Variants in CLSTN1 observed in about 807,000 individuals in gnomAD.
CLSTN1 encodes the protein calsyntenin-1.
A neutral mutation model predicts 108.3 loss-of-function variants in CLSTN1; 28 were observed. The observed-to-expected ratio is 0.26, with a 90% CI of 0.19 to 0.35. The LOEUF is 0.35. CLSTN1 is among the 10% of genes least tolerant of loss of function. The pLI, the probability that CLSTN1 is intolerant of heterozygous loss-of-function variation, is 1.00. For missense variants in CLSTN1, 1,157 were observed against 1,302.6 expected, an observed-to-expected ratio of 0.89 and a Z score of 1.72; for synonymous variants, 524 against 534.9, an observed-to-expected ratio of 0.98 and a Z score of 0.28.
chr1:9,814,975 T>C (rs938066513), intron 1 of CLSTN1, among the ~76,000 whole-genome samples: 5 of 152,214 alleles, frequency 3.3e-5, no homozygotes, highest in Admixed American at 3.3e-4. Flanking sequence ...TCCAGTCCCT[T>C]TCATTAAGTT....
chr1:9,741,326 C>G (rs1296663296), intron 9 of CLSTN1, 70 bp from the exon 10 acceptor site: 1 of 1,449,506 alleles, frequency 6.9e-7, no homozygotes, highest in Non-Finnish European at 9.5e-7. Flanking sequence ...CCATGGAAAC[C>G]AAGTCACCCA....
intron 1 of CLSTN1, among the ~76,000 whole-genome samples, chr1:9,786,588 A>G (rs1653497410): frequency 7.3e-6 from 1 of 137,346 alleles, no homozygotes; most frequent in Admixed American, 8.0e-5. Context: ...GGTTGCAGTG[A>G]GCTGAGATTG....
chr1:9,753,719 GACCTCAGGTGAAAATC>G (rs1180668135), intron 4 of CLSTN1, among the ~76,000 whole-genome samples: 1 of 152,088 alleles, frequency 6.6e-6, no homozygotes, highest in Non-Finnish European at 1.5e-5. Flanking sequence ...ATGAACTCCT[GACCTCAGGTGAAAATC>G]ACCTCAGGTG....
chr1:9,734,198 C>T lies in CLSTN1; in HGVS notation c.2111-56G>A, dbSNP rs192546677. 10,243 of 1,568,432 alleles carry T rather than the reference C, an allele frequency of 6.5e-3. 54 individuals are homozygous for T. Among genetic ancestry groups the T allele is most frequent in the South Asian group, 9.8e-3 (857 of 87,838 alleles). Reference sequence around the variant, plus strand: ...GTAGGGGCAGTGGGGCCCAGCGTGGCGGGGCACACTGGATGCCCTGCCGGC... The same window carrying T: ...GTAGGGGCAGTGGGGCCCAGCGTGGTGGGGCACACTGGATGCCCTGCCGGC... On this transcript the variant is annotated intron_variant, in intron 14 of 18. Coordinates refer to ENST00000377298, the MANE Select transcript of CLSTN1 (RefSeq NM_001009566.3). This position sits in a 1 kb window ranked among gnomAD's most constrained non-coding sequence, Gnocchi z 4.8.
chr1:9,809,952 T>C (rs563998190), intron 1 of CLSTN1, among the ~76,000 whole-genome samples: 3 of 143,830 alleles, frequency 2.1e-5, no homozygotes, highest in Non-Finnish European at 3.0e-5. Flanking sequence ...GGCAGGAGAA[T>C]AGCTTGAACC....
chr1:9,755,812 A>G (rs1651779748), intron 3 of CLSTN1, among the ~76,000 whole-genome samples: 1 of 150,424 alleles, frequency 6.6e-6, no homozygotes, highest in South Asian at 2.1e-4. Flanking sequence ...AAAAAAAATC[A>G]AAGGAAACAA....
In CLSTN1 at chr1:9,773,411, A is replaced by AG; in HGVS notation, c.92-18dup. 6.3e-7 allele frequency: 1 copy of AG among 1,578,464 alleles called. No homozygotes were observed. Among genetic ancestry groups the AG allele is most frequent in the South Asian group, 1.2e-5 (1 of 86,794 alleles). ...GCTTGTTAACTGTGTTTAAAACAAGAGAAAAAAATAGACAAGGTTAGAAAT... is the reference window on the plus strand; with the variant it reads ...GCTTGTTAACTGTGTTTAAAACAAGAGGAAAAAAATAGACAAGGTTAGAAAT... On this transcript the variant is annotated splice_polypyrimidine_tract_variant and intron_variant, in intron 1 of 18. Coordinates refer to ENST00000377298, the MANE Select transcript of CLSTN1 (RefSeq NM_001009566.3).
intron 1 of CLSTN1, among the ~76,000 whole-genome samples, chr1:9,810,096 G>A (rs1654672048): frequency 2.2e-4 from 1 of 4,630 alleles, no homozygotes; most frequent in Non-Finnish European, 5.5e-4. Flanking sequence ...AAGGAAGGAG[G>A]GAGGGAGGGA....
At chr1:9,808,544 A>G (rs990249747) in intron 1 of CLSTN1, among the ~76,000 whole-genome samples, 2 of 152,196 alleles carry the variant, frequency 1.3e-5, no homozygotes, top group African/African-American at 4.8e-5. Flanking sequence ...CTTAGGTACC[A>G]GGAAACAATG....
At chr1:9,743,230 G>C (rs952428637) in intron 9 of CLSTN1, among the ~76,000 whole-genome samples, 1 of 152,122 alleles carries the variant, frequency 6.6e-6, no homozygotes, top group Non-Finnish European at 1.5e-5. Context: ...TAGCACGTGG[G>C]GTTTTTCACA....
intron 2 of CLSTN1, among the ~76,000 whole-genome samples, chr1:9,764,821 G>A (rs752768631): frequency 2.6e-5 from 4 of 151,826 alleles, no homozygotes; most frequent in South Asian, 2.1e-4. Flanking sequence ...ATTATCAGTG[G>A]CTTTGAAAAC....
Position 9,806,236 on chromosome 1 carries a change from G to A in CLSTN1, c.91+17407C>T, listed in dbSNP as rs191422419. 4.4e-3 allele frequency among the ~76,000 whole-genome samples: 664 copies of A among 151,860 alleles called. 8 individuals are homozygous for A. Among genetic ancestry groups the A allele is most frequent in the African/African-American group, 0.015 (619 of 41,332 alleles). On this transcript the variant is annotated intron_variant, in intron 1 of 18. Coordinates refer to ENST00000377298, the MANE Select transcript of CLSTN1 (RefSeq NM_001009566.3). The stretch of plus-strand genomic sequence containing the variant: ...ACCCAGGGCAGGGGGGGTGGAGGGG[G>A]GGAGGTTGCAGTGAGCTGAGATCAC...
chr1:9,759,017 T>C (rs1173880590), intron 2 of CLSTN1, among the ~76,000 whole-genome samples: 3 of 152,124 alleles, frequency 2.0e-5, no homozygotes, highest in African/African-American at 7.2e-5. Context: ...GTTCCTCAGT[T>C]ACACTGGCCA....
rs369313146 is a variant in CLSTN1, at chr1:9,793,051, C to G, written c.92-19657G>C. The stretch of plus-strand genomic sequence containing the variant: ...TTTTGAGACAGAGTCTCAATCTGTC[C>G]GCCCAGGCTGGAGTGCAGTGGTGTG... On this transcript the variant is annotated intron_variant, in intron 1 of 18. Transcript: ENST00000377298. Among the ~76,000 whole-genome samples, 20 of 151,266 alleles carry G rather than the reference C, an allele frequency of 1.3e-4. No homozygotes were observed. In the East Asian group the frequency reaches 2.4e-3, roughly 18 times the overall value.
At chr1:9,742,387 T>C (rs1281349787) in intron 9 of CLSTN1, among the ~76,000 whole-genome samples, 2 of 152,142 alleles carry the variant, frequency 1.3e-5, no homozygotes, top group East Asian at 3.8e-4. Flanking sequence ...GGGGTAACAA[T>C]GAAACTAGAC....
intron 1 of CLSTN1, among the ~76,000 whole-genome samples, chr1:9,777,635 T>C (rs1653020952): frequency 6.6e-6 from 1 of 152,202 alleles, no homozygotes; most frequent in African/African-American, 2.4e-5. Context: ...AAAATAACTT[T>C]TTGAAAACAA....
intron 1 of CLSTN1, among the ~76,000 whole-genome samples, chr1:9,807,833 GC>G (rs1654571345): frequency 1.3e-5 from 2 of 152,230 alleles, no homozygotes; most frequent in African/African-American, 4.8e-5. Flanking sequence ...CCAGTGGCAG[GC>G]TACTCTCTCC....
At chr1:9,799,363 C>T (rs940682988) in intron 1 of CLSTN1, among the ~76,000 whole-genome samples, 7 of 152,054 alleles carry the variant, frequency 4.6e-5, no homozygotes, top group Admixed American at 2.0e-4. Flanking sequence ...TCCAGGGAGC[C>T]GGGCGCGGTG....
chr1:9,779,487 G>A (rs768135633), intron 1 of CLSTN1, among the ~76,000 whole-genome samples: 4 of 152,126 alleles, frequency 2.6e-5, no homozygotes, highest in Admixed American at 6.6e-5. Flanking sequence ...AACCCGGGAG[G>A]TGGAGGTTGC....
Sources: gnomAD v4.1 joint callset for allele counts (sites outside exome capture counted in the v4.1 genomes callset) on GRCh38, gnomAD v4.1.1 for gene constraint, Gnocchi (gnomAD v3.1) non-coding constraint, MANE v1.5 for transcripts, NCBI Gene and HGNC (gene_info 2026-07-23, HGNC 2026-07-21) for gene names.